IGF2BP2: variants seen among roughly 807,000 people sequenced by gnomAD.
IGF2BP2 encodes insulin like growth factor 2 mRNA binding protein 2.
A neutral mutation model predicts 75.8 loss-of-function variants in IGF2BP2; 17 were observed. That is an observed-to-expected ratio of 0.22 (90% CI 0.15 to 0.34). The LOEUF is 0.34. Among genes scored for constraint, IGF2BP2 ranks in the 10% least tolerant of loss-of-function variants. The pLI is 1.00. For synonymous variants in IGF2BP2, 288 were observed against 295.6 expected, an observed-to-expected ratio of 0.97 and a Z score of 0.26; for missense variants, 516 against 772.4, an observed-to-expected ratio of 0.67 and a Z score of 3.93.
chr3:185,688,592 T>C (rs1721478088), intron 6 of IGF2BP2, among the ~76,000 whole-genome samples: 1 of 152,114 alleles, frequency 6.6e-6, no homozygotes, highest in Admixed American at 6.6e-5. Flanking sequence ...ATCCCCCTGC[T>C]TCAGCCTCCC....
intron 13 of IGF2BP2, among the ~76,000 whole-genome samples, chr3:185,650,578 G>A (rs1714425847): frequency 6.6e-6 from 1 of 151,910 alleles, no homozygotes; most frequent in South Asian, 2.1e-4. Context: ...TCAGGAGGTT[G>A]AAGCACGACA....
At chr3:185,736,226 C>T (rs973969027) in intron 2 of IGF2BP2, among the ~76,000 whole-genome samples, 28 of 152,256 alleles carry the variant, frequency 1.8e-4, no homozygotes, top group Admixed American at 1.2e-3. Context: ...CACGGGGACT[C>T]GGAGGTGGGG....
chr3:185,660,510 G>A (rs1418891211), intron 10 of IGF2BP2, among the ~76,000 whole-genome samples: 1 of 152,214 alleles, frequency 6.6e-6, no homozygotes, highest in Non-Finnish European at 1.5e-5. Flanking sequence ...GCTGCTGTAG[G>A]TTACCAGCCA....
intron 12 of IGF2BP2, among the ~76,000 whole-genome samples, chr3:185,656,254 C>T (rs563875963): frequency 6.6e-6 from 1 of 152,254 alleles, no homozygotes; most frequent in Non-Finnish European, 1.5e-5. Flanking sequence ...TCACCTGCAG[C>T]AGGACTGCTG....
chr3:185,812,573 C>T (rs1298594660), intron 2 of IGF2BP2, among the ~76,000 whole-genome samples: 2 of 152,136 alleles, frequency 1.3e-5, no homozygotes, highest in East Asian at 3.8e-4. Flanking sequence ...GGCTTTGGGT[C>T]AAATCAAGGA....
Position 185,692,612 on chromosome 3 carries a change from T to C in IGF2BP2, c.404+87A>G, listed in dbSNP as rs1577990666. The C allele has an allele frequency of 6.5e-6, 8 of 1,225,618 alleles. No individual in the cohort carries two copies. In the East Asian group the frequency reaches 1.9e-4, roughly 29 times the overall value. The allele number at this position is 1,225,618 out of a possible 1,614,324, so 75.9% of individuals were successfully genotyped here. ...TCCAGCTCAAAGATCTGCATCTTTT[T>C]AGAAAACATTTAAAAACACAGAACT... On this transcript the variant is annotated intron_variant, in intron 5 of 15. Transcript: ENST00000382199.
rs1732132632 is a variant in IGF2BP2 at position 185,759,948 on chromosome 3, C to T, written c.240-61601G>A. Among the ~76,000 whole-genome samples, 3 of 152,292 alleles carry T rather than the reference C, an allele frequency of 2.0e-5. No homozygotes were observed. In the South Asian group the frequency reaches 6.2e-4, roughly 32 times the overall value. On this transcript the variant is annotated intron_variant, in intron 2 of 15. Transcript: ENST00000382199. ...TATGACAAATTTTGTTTCATCTATA[C>T]CATACCCACTGGATTATTTTAAACT...
At chr3:185,662,379 G>A (rs1392758778) in intron 10 of IGF2BP2, among the ~76,000 whole-genome samples, 1 of 151,624 alleles carries the variant, frequency 6.6e-6, no homozygotes, top group Non-Finnish European at 1.5e-5. Flanking sequence ...TTGGGAGGCT[G>A]AGGCAGGGGA....
intron 2 of IGF2BP2, among the ~76,000 whole-genome samples, chr3:185,818,222 T>TA (rs1311848391): frequency 4.6e-5 from 7 of 152,052 alleles, no homozygotes; most frequent in Admixed American, 3.9e-4. Context: ...TTCTGACACT[T>TA]AAAAAAATGG....
intron 2 of IGF2BP2, among the ~76,000 whole-genome samples, chr3:185,800,718 A>AAAAAGAAACAAAGAAAG (rs771868332): frequency 7.0e-6 from 1 of 143,290 alleles, no homozygotes; most frequent in Non-Finnish European, 1.5e-5. Context: ...GAGCCAAAAA[A>AAAAAGAAACAAAGAAAG]AAAGAAAGAA....
At chr3:185,811,870 CTCTCTCT>C (rs1307917835) in intron 2 of IGF2BP2, among the ~76,000 whole-genome samples, 1 of 53,668 alleles carries the variant, frequency 1.9e-5, no homozygotes, top group South Asian at 6.0e-4. Flanking sequence ...CTCTCTCTCT[CTCTCTCT>C]CCCCCTCTCC....
chr3:185,822,698 T>G (rs1054688018), intron 2 of IGF2BP2, among the ~76,000 whole-genome samples: 1 of 152,218 alleles, frequency 6.6e-6, no homozygotes, highest in African/African-American at 2.4e-5. Context: ...ACTGAATTAT[T>G]TTACTATTCA....
chr3:185,813,939 GAAAT>G (rs1740260069), intron 2 of IGF2BP2: 1 of 152,256 alleles, frequency 6.6e-6, no homozygotes, highest in South Asian at 2.1e-4. Context: ...CTTAGAGAAA[GAAAT>G]GCAAAACCTT....
intron 2 of IGF2BP2, among the ~76,000 whole-genome samples, chr3:185,750,782 T>G (rs543679514): frequency 3.9e-5 from 6 of 152,328 alleles, no homozygotes; most frequent in Admixed American, 3.9e-4. Context: ...CTGTGTACTT[T>G]TACTCAAGTT....
intron 3 of IGF2BP2, 72 bp from the exon 4 acceptor site, chr3:185,696,735 C>T: frequency 8.4e-7 from 1 of 1,183,604 alleles, no homozygotes; most frequent in Non-Finnish European, 1.3e-6. Flanking sequence ...CAGTGATATA[C>T]CCCAGCAAAC....
intron 2 of IGF2BP2, among the ~76,000 whole-genome samples, chr3:185,816,776 C>T (rs1325757338): frequency 6.6e-6 from 1 of 152,174 alleles, no homozygotes; most frequent in African/African-American, 2.4e-5. Flanking sequence ...AGCATCAGTA[C>T]TGTATGAATA....
chr3:185,792,902 C>T (rs1012039240), intron 2 of IGF2BP2, among the ~76,000 whole-genome samples: 1 of 152,096 alleles, frequency 6.6e-6, no homozygotes, highest in African/African-American at 2.4e-5. Context: ...CCACACCACA[C>T]AAGACCCTCT....
chr3:185,651,429 A>G (rs1480183559), intron 13 of IGF2BP2, among the ~76,000 whole-genome samples: 9 of 152,016 alleles, frequency 5.9e-5, no homozygotes, highest in Non-Finnish European at 1.3e-4. Context: ...CCTGTTCTCA[A>G]ACTCCTGGGC....
At chr3:185,766,609 T>C (rs1300155154) in intron 2 of IGF2BP2, among the ~76,000 whole-genome samples, 2 of 152,254 alleles carry the variant, frequency 1.3e-5, no homozygotes, top group African/African-American at 2.4e-5. Flanking sequence ...GATAGTATCA[T>C]CTAACAAGCC....
Sources: allele counts gnomAD v4.1 joint callset (sites outside exome capture counted in the v4.1 genomes callset), GRCh38; gene constraint gnomAD v4.1.1; transcripts MANE v1.5; gene names NCBI Gene and HGNC (gene_info 2026-07-23, HGNC 2026-07-21).